Variants in GLB1L2 observed in about 807,000 individuals in gnomAD.
GLB1L2 encodes the protein galactosidase beta 1 like 2.
In GLB1L2, 68 loss-of-function variants were observed where a neutral mutation model predicts 84.1. The observed-to-expected ratio is 0.81, with a 90% CI of 0.67 to 0.99. The LOEUF (loss-of-function observed/expected upper bound fraction) is 0.99, where lower values mean the gene tolerates loss of function less well. Ranked by LOEUF, GLB1L2 falls within the 50% of genes least tolerant of loss-of-function variation. The pLI, the probability that GLB1L2 is intolerant of heterozygous loss-of-function variation, is 0.00. For synonymous variants in GLB1L2, 290 were observed against 318.0 expected (o/e 0.91, Z 0.94); for missense variants, 762 against 805.6 (o/e 0.95, Z 0.66).
chr11:134,369,783 G>T, intron 10 of GLB1L2, 22 bp from the exon 11 acceptor site: 1 of 1,602,930 alleles, frequency 6.2e-7, no homozygotes, highest in African/African-American at 1.3e-5. Flanking sequence ...GAATGACCAT[G>T]ACAGGGCCCG....
chr11:134,368,858 A>C, intron 10 of GLB1L2, 77 bp downstream of exon 10: 2 of 1,509,384 alleles, frequency 1.3e-6, no homozygotes, highest in South Asian at 2.3e-5. Flanking sequence ...AGAGGCCCTC[A>C]GGGTCAACTT....
chr11:134,346,218 C>T (rs900488334), intron 4 of GLB1L2, among the ~76,000 whole-genome samples: 4 of 152,212 alleles, frequency 2.6e-5, no homozygotes, highest in African/African-American at 9.6e-5. Flanking sequence ...CCCAGGGCCA[C>T]TTCTCAGGCA....
At chr11:134,374,278 G>C (rs936443872) in intron 17 of GLB1L2, 22 bp downstream of exon 17, 3 of 1,546,258 alleles carry the variant, frequency 1.9e-6, no homozygotes, top group Non-Finnish European at 2.7e-6. Flanking sequence ...CCTTTTCCCT[G>C]CCAGTTTCTC....
At chr11:134,374,822 CCCT>C (rs1344453941) in intron 18 of GLB1L2, 104 bp downstream of exon 18, 3 of 1,162,840 alleles carry the variant, frequency 2.6e-6, no homozygotes, top group Non-Finnish European at 3.8e-6. Context: ...GGTTCTTCCT[CCCT>C]CCTCCTCGCT....
intron 4 of GLB1L2, among the ~76,000 whole-genome samples, chr11:134,345,758 C>T (rs907562804): frequency 3.9e-5 from 6 of 152,184 alleles, no homozygotes; most frequent in Non-Finnish European, 8.8e-5. Context: ...CATGAGCCAC[C>T]GCGCCCGGCC....
chr11:134,347,578 G>A, intron 5 of GLB1L2, 145 bp downstream of exon 5: 1 of 642,754 alleles, frequency 1.6e-6, no homozygotes, highest in Non-Finnish European at 2.8e-6. Flanking sequence ...TCGTAACTGA[G>A]GGGCTTGCAA....
intron 1 of GLB1L2, among the ~76,000 whole-genome samples, chr11:134,337,944 A>G (rs774368795): frequency 2.0e-5 from 3 of 152,202 alleles, no homozygotes; most frequent in Admixed American, 2.0e-4. Context: ...GTATGTGAAC[A>G]CGTTATGTTA....
chr11:134,354,911 T>A (rs964249049), intron 5 of GLB1L2, among the ~76,000 whole-genome samples: 1 of 152,190 alleles, frequency 6.6e-6, no homozygotes, highest in Non-Finnish European at 1.5e-5. Context: ...TCAGCTATTA[T>A]TTTGTAAAAA....
At chr11:134,358,614 C>A (rs1224119209) in intron 6 of GLB1L2, among the ~76,000 whole-genome samples, 1 of 152,268 alleles carries the variant, frequency 6.6e-6, no homozygotes, top group Non-Finnish European at 1.5e-5. Context: ...CCACACCGGC[C>A]AGCGTGGGGA....
Position 134,371,148 on chromosome 11 carries a change from G to A in GLB1L2, c.1356G>A (p.Gln452=), listed in dbSNP as rs1291290228. ...ILSGHVHDRG[Q]VFVNTVSIGF... is the part of the protein sequence containing the mutation. ...GTGGCCACGTGCATGATCGGGGGCA[G>A]GTAGGAGCTTCTCTTCTAAATTCCT... Residue 452 remains glutamine (Q), a splice_region_variant and synonymous_variant, in exon 13 of 19, where the codon CAG becomes CAA. Transcript: ENST00000535456. The A allele has an allele frequency of 6.2e-7, 1 of 1,614,138 alleles. No individual in the cohort carries two copies. The highest frequency in any genetic ancestry group is 8.5e-7 in the Non-Finnish European group (1 of 1,180,018).
At chr11:134,336,392 T>A (rs1943388284) in intron 1 of GLB1L2, among the ~76,000 whole-genome samples, 1 of 152,208 alleles carries the variant, frequency 6.6e-6, no homozygotes, top group South Asian at 2.1e-4. Context: ...ATGGCTTCTT[T>A]CAGAAATATT....
At chr11:134,335,241 T>TTTA (rs11404132) in intron 1 of GLB1L2, among the ~76,000 whole-genome samples, 1 of 151,412 alleles carries the variant, frequency 6.6e-6, no homozygotes, top group Non-Finnish European at 1.5e-5. Flanking sequence ...TTTTTTTTTT[T>TTTA]ATGTGAATCA....
intron 4 of GLB1L2, 145 bp downstream of exon 4, chr11:134,345,274 C>G: frequency 9.4e-7 from 1 of 1,061,122 alleles, no homozygotes; most frequent in Non-Finnish European, 1.3e-6. Context: ...TCAGGAAAAG[C>G]AGCACCCAGA....
intron 1 of GLB1L2, among the ~76,000 whole-genome samples, chr11:134,336,430 C>T (rs1244725387): frequency 6.6e-6 from 1 of 152,194 alleles, no homozygotes; most frequent in Admixed American, 6.5e-5. Context: ...GATAGCTACA[C>T]ATATTATCCC....
chr11:134,332,933 A>T (rs1272434885), intron 1 of GLB1L2, among the ~76,000 whole-genome samples: 2 of 152,194 alleles, frequency 1.3e-5, no homozygotes, highest in South Asian at 2.1e-4. Flanking sequence ...CACTTTCCAT[A>T]TTCAAAACCT....
At chr11:134,358,393 A>G (rs577671390) in intron 6 of GLB1L2, among the ~76,000 whole-genome samples, 26 of 152,250 alleles carry the variant, frequency 1.7e-4, no homozygotes, top group Non-Finnish European at 3.4e-4. Flanking sequence ...GTATGAGCGG[A>G]GGGCCTGGCG....
intron 7 of GLB1L2, among the ~76,000 whole-genome samples, chr11:134,361,996 A>G (rs955465659): frequency 5.9e-5 from 9 of 152,096 alleles, no homozygotes; most frequent in Non-Finnish European, 7.4e-5. Flanking sequence ...AGTTACGCTC[A>G]CCATGGTGGG....
chr11:134,339,477 A>G lies in GLB1L2; in HGVS notation c.87-3277A>G, dbSNP rs1565433047. Among the ~76,000 whole-genome samples the G allele has an allele frequency of 6.6e-6, 1 of 152,168 alleles. No homozygotes were observed. Among genetic ancestry groups the G allele is most frequent in the Non-Finnish European group, 1.5e-5 (1 of 68,040 alleles). ...GTGAATCCATCCCTTTTAATAAGGT[A>G]TTGACAACTTCTCTAGTAACCTACC... On this transcript the variant is annotated intron_variant, in intron 1 of 18. Transcript: ENST00000535456. The surrounding 1 kb of genome is among the most constrained non-coding windows in gnomAD (Gnocchi z 5.7).
intron 1 of GLB1L2, among the ~76,000 whole-genome samples, chr11:134,332,727 C>T (rs942443219): frequency 6.6e-6 from 1 of 152,184 alleles, no homozygotes; most frequent in Admixed American, 6.5e-5. Context: ...TCCACTTTCC[C>T]ACCATTCACC....
Sources: gnomAD v4.1 joint callset for allele counts (sites outside exome capture counted in the v4.1 genomes callset) on GRCh38, gnomAD v4.1.1 for gene constraint, Gnocchi (gnomAD v3.1) non-coding constraint, MANE v1.5 for transcripts, NCBI Gene and HGNC (gene_info 2026-07-23, HGNC 2026-07-21) for gene names.